ANKUB1: variants seen among roughly 807,000 people sequenced by gnomAD.
ANKUB1 encodes protein ANKUB1.
ANKUB1 carries 42 observed loss-of-function variants against 49.3 expected under a neutral mutation model. The ratio of observed to expected loss-of-function variants is 0.85; its 90% CI spans 0.67 to 1.10. The LOEUF is 1.10. ANKUB1 is among the 50% of genes least tolerant of loss of function. ANKUB1 has a pLI of 0.00. For missense variants in ANKUB1, 613 were observed against 642.0 expected, an observed-to-expected ratio of 0.95 and a Z score of 0.49; for synonymous variants, 222 against 231.0, an observed-to-expected ratio of 0.96 and a Z score of 0.35.
intron 2 of ANKUB1, among the ~76,000 whole-genome samples, chr3:149,781,887 C>T (rs1398893092): frequency 6.6e-6 from 1 of 152,110 alleles, no homozygotes; most frequent in Non-Finnish European, 1.5e-5. Context: ...CCCACTGAGC[C>T]TAAAGTGCTT....
Position 149,761,512 on chromosome 3 carries a change from C to T in ANKUB1, c.1607G>A (p.Cys536Tyr), listed in dbSNP as rs1559859120. ...AAGCACAGTTTCTAGAGAGTTTTCACACGCTGTCAGACCTCCTCGGGTAGT... is the reference window on the plus strand; with the variant it reads ...AAGCACAGTTTCTAGAGAGTTTTCATACGCTGTCAGACCTCCTCGGGTAGT... Reference protein sequence around the residue: ...NLTTRGGLTACENSLETVL With the variant: ...NLTTRGGLTAYENSLETVL Residue 536 changes from cysteine to tyrosine, a missense_variant, in exon 6 of 6, where the codon TGT becomes TAT. Coordinates refer to ENST00000446160, the MANE Select transcript of ANKUB1 (RefSeq NM_001144960.3). 1.3e-6 allele frequency: 2 copies of T among 1,551,436 alleles called. No individual in the cohort carries two copies. The highest frequency in any genetic ancestry group is 2.4e-5 in the East Asian group (1 of 40,906).
At chr3:149,790,967 G>A (rs200651827) in intron 1 of ANKUB1, 43 bp from the exon 2 acceptor site, 57 of 1,519,090 alleles carry the variant, frequency 3.8e-5, no homozygotes, top group Middle Eastern at 1.7e-4. Flanking sequence ...ACATCCTTAC[G>A]TTACTAGACC....
intron 1 of ANKUB1, among the ~76,000 whole-genome samples, chr3:149,791,618 C>A (rs1473723609): frequency 6.6e-6 from 1 of 152,042 alleles, no homozygotes. Context: ...TCAGTAAATG[C>A]CGCTTAGCAA....
At chr3:149,771,594 TTTAAC>T (rs1259459744) in intron 3 of ANKUB1, among the ~76,000 whole-genome samples, 1 of 152,226 alleles carries the variant, frequency 6.6e-6, no homozygotes, top group Non-Finnish European at 1.5e-5. Flanking sequence ...ATGACTTTAT[TTTAAC>T]TTGTTTATTG....
chr3:149,779,906 T>C (rs1717780363), intron 3 of ANKUB1: 1 of 288,260 alleles, frequency 3.5e-6, no homozygotes, highest in African/African-American at 2.2e-5. Context: ...CTTACAGAGG[T>C]TTCCATTTAG....
At chr3:149,785,451 C>T (rs1407221965) in intron 2 of ANKUB1, among the ~76,000 whole-genome samples, 3 of 151,948 alleles carry the variant, frequency 2.0e-5, no homozygotes, top group African/African-American at 7.3e-5. Context: ...TGATGTTCCC[C>T]ACCCTGTGTC....
At position 149,787,326 on chromosome 3, in the gene ANKUB1, T is replaced by C. The variant is rs1392375706; in HGVS notation, c.234+3455A>G. ...TTGGATTCCTAGGTATTTTATTCTC[T>C]TTGTAGCAATTGTGAATGGGAATTC... On this transcript the variant is annotated intron_variant, in intron 2 of 5. Transcript: ENST00000446160. Among the ~76,000 whole-genome samples, 4 of 152,226 alleles carry C rather than the reference T, an allele frequency of 2.6e-5. No homozygotes were observed. The East Asian group carries it at 5.8e-4, about 22-fold the overall frequency.
chr3:149,764,143 A>G (rs1349007466), intron 5 of ANKUB1, among the ~76,000 whole-genome samples: 1 of 152,082 alleles, frequency 6.6e-6, no homozygotes, highest in Non-Finnish European at 1.5e-5. Context: ...TCCATTCCTC[A>G]TGTTTGTGTC....
At chr3:149,783,472 G>A (rs1576680733) in intron 2 of ANKUB1, 2 of 152,186 alleles carry the variant, frequency 1.3e-5, no homozygotes, top group East Asian at 1.9e-4. Context: ...AAACAAATAC[G>A]TTCTATCTCA....
intron 5 of ANKUB1, among the ~76,000 whole-genome samples, chr3:149,765,541 C>T (rs1460868657): frequency 1.3e-5 from 2 of 149,828 alleles, no homozygotes; most frequent in Non-Finnish European, 2.9e-5. Flanking sequence ...ACCACACACA[C>T]ACACATGCAC....
At chr3:149,785,445 G>A (rs748780748) in intron 2 of ANKUB1, among the ~76,000 whole-genome samples, 7 of 150,688 alleles carry the variant, frequency 4.6e-5, no homozygotes, top group Non-Finnish European at 8.9e-5. Context: ...AGTGTGTGAT[G>A]TTCCCCACCC....
At chr3:149,786,592 C>T (rs1718110571) in intron 2 of ANKUB1, among the ~76,000 whole-genome samples, 1 of 152,160 alleles carries the variant, frequency 6.6e-6, no homozygotes, top group South Asian at 2.1e-4. Flanking sequence ...TTAATTAGAT[C>T]CCATTTATCA....
At position 149,761,418 on chromosome 3, in the gene ANKUB1, G is replaced by A. The variant is rs1559859038; in HGVS notation, c.*66C>T. The A allele has an allele frequency of 5.9e-6, 9 of 1,513,158 alleles. No homozygotes were observed. The East Asian group carries it at 2.2e-4, about 37-fold the overall frequency. 93.7% of individuals were successfully genotyped at this position (1,513,158 alleles called of 1,614,324 possible). ...TAACATTAGAACTGTTATTAGAAATGTTAACATTAGAACTGGACATTCTGT... is the reference window on the plus strand; with the variant it reads ...TAACATTAGAACTGTTATTAGAAATATTAACATTAGAACTGGACATTCTGT... On this transcript the variant is annotated 3_prime_UTR_variant, in exon 6 of 6. Coordinates refer to ENST00000446160, the MANE Select transcript of ANKUB1 (RefSeq NM_001144960.3).
At chr3:149,778,959 CA>C (rs1440741206) in intron 3 of ANKUB1, 1 of 152,130 alleles carries the variant, frequency 6.6e-6, no homozygotes, top group African/African-American at 2.4e-5. Flanking sequence ...TGATTGTCAG[CA>C]AGGATTCATT....
intron 2 of ANKUB1, among the ~76,000 whole-genome samples, chr3:149,788,912 A>T (rs1465507570): frequency 6.6e-6 from 1 of 151,578 alleles, no homozygotes; most frequent in African/African-American, 2.4e-5. Context: ...AGTAGATGGG[A>T]TTACAGGTGT....
In ANKUB1 at chr3:149,762,438, T is replaced by G. The variant is rs150719003; in HGVS notation, c.1506-825A>C. ...CCATCTCCAAAGCTAGAAACGAAAC[T>G]AAATTCCTTCTTTCTCTATTTCCAC... On this transcript the variant is annotated intron_variant, in intron 5 of 5. Transcript: ENST00000446160. 2.3e-3 allele frequency among the ~76,000 whole-genome samples: 358 copies of G among 152,354 alleles called. 4 individuals carry two copies. Among genetic ancestry groups the G allele is most frequent in the African/African-American group, 7.8e-3 (326 of 41,588 alleles).
At chr3:149,789,058 G>GCCA (rs201520208) in intron 2 of ANKUB1, among the ~76,000 whole-genome samples, 3,810 of 152,150 alleles carry the variant, frequency 0.025, 60 homozygotes, top group Non-Finnish European at 0.03. Flanking sequence ...ACAGGTGTGA[G>GCCA]CCACCACACC....
chr3:149,764,300 G>A (rs1312522429), intron 5 of ANKUB1, among the ~76,000 whole-genome samples: 1 of 152,178 alleles, frequency 6.6e-6, no homozygotes, highest in African/African-American at 2.4e-5. Context: ...GCAGGGTCAT[G>A]AGATTGTAGA....
Position 149,792,310 on chromosome 3 carries a change from A to T in ANKUB1, c.57T>A (p.Asp19Glu). ...TCAGCTTGACAACCTCCACAGTTTC[A>T]TCTGCTGAAACATCAAACGGTTCAA... is the stretch of plus-strand genomic sequence containing the variant. Reference protein sequence around the residue: ...GSFEPFDVSADETVEVVKLMI... With the variant: ...GSFEPFDVSAEETVEVVKLMI... The change falls in exon 1 of 6, where the codon GAT becomes GAA. Residue 19 changes from aspartate (D) to glutamate (E), a missense_variant. By Grantham distance (45) the Asp-to-Glu change is conservative. Coordinates refer to ENST00000446160, the MANE Select transcript of ANKUB1 (RefSeq NM_001144960.3). The T allele has an allele frequency of 6.5e-7, 1 of 1,534,336 alleles. No individual in the cohort carries two copies.
Sources: gnomAD v4.1 joint callset for allele counts (sites outside exome capture counted in the v4.1 genomes callset) on GRCh38, gnomAD v4.1.1 for gene constraint, MANE v1.5 for transcripts, NCBI Gene and HGNC (gene_info 2026-07-23, HGNC 2026-07-21) for gene names.